SLC7A8: variants seen among roughly 807,000 people sequenced by gnomAD.
SLC7A8 encodes large neutral amino acids transporter small subunit 2.
In SLC7A8, 30 loss-of-function variants were observed where a neutral mutation model predicts 51.2. That is an observed-to-expected ratio of 0.59 (90% CI 0.44 to 0.80). The LOEUF is 0.80. Among genes scored for constraint, SLC7A8 ranks in the 30% least tolerant of loss-of-function variants. The probability of loss-of-function intolerance (pLI) is 0.00; values close to 1 mark genes in which losing one functional copy is unlikely to be tolerated. For missense variants in SLC7A8, 612 were observed against 674.4 expected (o/e 0.91, Z 1.03); for synonymous variants, 257 against 275.8 (o/e 0.93, Z 0.67).
chr14:23,142,611 C>T (rs1379310869), intron 4 of SLC7A8, among the ~76,000 whole-genome samples: 1 of 152,200 alleles, frequency 6.6e-6, no homozygotes, highest in Non-Finnish European at 1.5e-5. Context: ...GGTGATCCTC[C>T]CACCTTAGCC....
chr14:23,129,871 T>C (rs1594815199), intron 8 of SLC7A8, 72 bp from the exon 9 acceptor site: 4 of 1,537,836 alleles, frequency 2.6e-6, no homozygotes, highest in Non-Finnish European at 3.5e-6. Flanking sequence ...TTAGGGGCTG[T>C]CCCCCAGCCT....
At chr14:23,178,885 C>CAAAAAAA (rs386380884) in intron 1 of SLC7A8, among the ~76,000 whole-genome samples, 7 of 78,702 alleles carry the variant, frequency 8.9e-5, no homozygotes, top group African/African-American at 2.6e-4. Context: ...ATCTTGTCTC[C>CAAAAAAA]AAAAAAAAAA....
chr14:23,140,712 T>A, intron 4 of SLC7A8, 88 bp from the exon 5 acceptor site: 6 of 1,302,934 alleles, frequency 4.6e-6, no homozygotes, highest in Non-Finnish European at 6.4e-6. Context: ...CTCTCACCCC[T>A]CCCTGTGGCA....
chr14:23,161,243 C>T (rs763018760), intron 3 of SLC7A8, among the ~76,000 whole-genome samples: 15 of 152,006 alleles, frequency 9.9e-5, no homozygotes, highest in Non-Finnish European at 1.6e-4. Flanking sequence ...AAAACAGCCC[C>T]ACCATGGAAC....
At chr14:23,161,600 G>GGGTGGGGGTA (rs1164318736) in intron 3 of SLC7A8, among the ~76,000 whole-genome samples, 2 of 146,686 alleles carry the variant, frequency 1.4e-5, no homozygotes, top group African/African-American at 2.5e-5. Context: ...GGGGGTAGGT[G>GGGTGGGGGTA]GGTGGGTGGG....
chr14:23,154,233 C>T (rs919968198), intron 3 of SLC7A8: 1 of 999,924 alleles, frequency 1.0e-6, no homozygotes, highest in Non-Finnish European at 1.2e-6. Context: ...CATGGCCTGC[C>T]AGAAGGGTTG....
intron 4 of SLC7A8, 61 bp downstream of exon 4, chr14:23,143,018 A>G: frequency 6.3e-7 from 1 of 1,589,400 alleles, no homozygotes; most frequent in Non-Finnish European, 8.6e-7. Flanking sequence ...CTGGGCTGAG[A>G]GGGTGTGTAC....
intron 4 of SLC7A8, 45 bp from the exon 5 acceptor site, chr14:23,140,669 G>A: frequency 1.3e-6 from 2 of 1,582,934 alleles, no homozygotes; most frequent in Non-Finnish European, 1.7e-6. Context: ...GACAAGTCAG[G>A]GGCCCAGCAG....
At chr14:23,176,014 T>G (rs2048997411) in intron 1 of SLC7A8, among the ~76,000 whole-genome samples, 1 of 152,242 alleles carries the variant, frequency 6.6e-6, no homozygotes, top group Non-Finnish European at 1.5e-5. Flanking sequence ...AATCACATTT[T>G]CATCCTGAAT....
At chr14:23,135,627 G>A (rs1053096017) in intron 7 of SLC7A8, among the ~76,000 whole-genome samples, 6 of 151,850 alleles carry the variant, frequency 4.0e-5, no homozygotes, top group Non-Finnish European at 7.4e-5. Flanking sequence ...GCGTGAACCC[G>A]GGAGGCAGAG....
At chr14:23,159,401 G>A (rs886833132) in intron 3 of SLC7A8, among the ~76,000 whole-genome samples, 1 of 152,180 alleles carries the variant, frequency 6.6e-6, no homozygotes, top group Non-Finnish European at 1.5e-5. Context: ...ATGGAGTCTT[G>A]GATATATGGG....
intron 7 of SLC7A8, among the ~76,000 whole-genome samples, chr14:23,132,215 G>C (rs1040341739): frequency 3.3e-5 from 5 of 152,016 alleles, no homozygotes; most frequent in African/African-American, 1.2e-4. Flanking sequence ...TCTTGGCCAG[G>C]CTGGTCTTGA....
chr14:23,139,570 G>A, intron 5 of SLC7A8, 23 bp from the exon 6 acceptor site: 2 of 1,607,218 alleles, frequency 1.2e-6, no homozygotes, highest in Non-Finnish European at 1.7e-6. Flanking sequence ...AGGAGGTGAG[G>A]GGAAGGGCTG....
At chr14:23,155,153 T>C in intron 3 of SLC7A8, 1 of 1,535,842 alleles carries the variant, frequency 6.5e-7, no homozygotes, top group African/African-American at 1.4e-5. Flanking sequence ...CCTTTTCATC[T>C]CGAAGCACTT....
rs779880255 is a variant in SLC7A8 at position 23,128,234 on chromosome 14, G to A, written c.1264-38C>T. On this transcript the variant is annotated intron_variant, in intron 9 of 10. Coordinates refer to ENST00000316902, the MANE Select transcript of SLC7A8 (RefSeq NM_012244.4). This position sits in a 1 kb window ranked among gnomAD's most constrained non-coding sequence, Gnocchi z 4.3. ...GGCATGAGGCGTATGAACTGTGTAG[G>A]CCACGTGGCCCCCAGGACTAGGGAC... 1 of 1,611,330 alleles carries A rather than the reference G, an allele frequency of 6.2e-7. No individual in the cohort carries two copies. Among genetic ancestry groups the A allele is most frequent in the East Asian group, 2.2e-5 (1 of 44,836 alleles).
chr14:23,146,914 C>G (rs1392583497), intron 3 of SLC7A8: 1 of 152,248 alleles, frequency 6.6e-6, no homozygotes, highest in African/African-American at 2.4e-5. Flanking sequence ...CTGCTGCTGG[C>G]TAGCTACTGC....
At chr14:23,154,251 A>G in intron 3 of SLC7A8, 2 of 1,000,180 alleles carry the variant, frequency 2.0e-6, no homozygotes, top group Non-Finnish European at 2.4e-6. Context: ...TTGGCTTCTC[A>G]GCCTCACCTT....
chr14:23,131,584 T>C (rs769377937), intron 7 of SLC7A8, 27 bp from the exon 8 acceptor site: 6 of 1,564,314 alleles, frequency 3.8e-6, no homozygotes, highest in Non-Finnish European at 4.3e-6. Context: ...CAGGTCAGCC[T>C]GGGATAACCC....
Position 23,143,098 on chromosome 14 carries a change from C to T in SLC7A8, c.615G>A (p.Gly205=), listed in dbSNP as rs1421149455. The T allele has an allele frequency of 1.2e-6, 2 of 1,614,160 alleles. No individual in the cohort carries two copies. The highest frequency in any genetic ancestry group is 1.7e-6 in the Non-Finnish European group (2 of 1,180,026). ...ACTCACCTTTGCATATCTGTACAAT[C>T]CCCATGATGATAATCAGGGCCAAGG... ...LLALALIIIM[G]IVQICKGEYF... is the part of the protein sequence containing the mutation. Residue 205 remains glycine (G), a synonymous_variant, in exon 4 of 11, where the codon GGG becomes GGA. Transcript: ENST00000316902.
Sources: allele counts gnomAD v4.1 joint callset (sites outside exome capture counted in the v4.1 genomes callset), GRCh38; gene constraint gnomAD v4.1.1; non-coding constraint Gnocchi (gnomAD v3.1); transcripts MANE v1.5; gene names NCBI Gene and HGNC (gene_info 2026-07-23, HGNC 2026-07-21).